The following GSG1L variants were observed in gnomAD, a reference collection of about 807,000 sequenced individuals.
GSG1L encodes the protein GSG1 like.
In GSG1L, 24 loss-of-function variants were observed where a neutral mutation model predicts 42.1. The ratio of observed to expected loss-of-function variants is 0.57; its 90% CI spans 0.41 to 0.80. GSG1L has a LOEUF of 0.80. Ranked by LOEUF, GSG1L falls within the 30% of genes least tolerant of loss-of-function variation. The pLI is 0.00. For missense variants in GSG1L, 445 were observed against 472.2 expected, an observed-to-expected ratio of 0.94 and a Z score of 0.53; for synonymous variants, 215 against 203.5, an observed-to-expected ratio of 1.06 and a Z score of -0.48.
At chr16:27,964,941 G>T (rs1469350142) in intron 1 of GSG1L, among the ~76,000 whole-genome samples, 1 of 152,154 alleles carries the variant, frequency 6.6e-6, no homozygotes, top group Non-Finnish European at 1.5e-5. Flanking sequence ...TAATTGAATT[G>T]TTTGCCTGTG....
chr16:27,804,082 A>G (rs935892388), intron 6 of GSG1L, among the ~76,000 whole-genome samples: 4 of 110,224 alleles, frequency 3.6e-5, no homozygotes, highest in Non-Finnish European at 4.1e-5. Flanking sequence ...TAGATAGATA[A>G]AGAAATAGGG....
intron 6 of GSG1L, among the ~76,000 whole-genome samples, chr16:27,804,429 C>A (rs1304831028): frequency 6.6e-6 from 1 of 152,022 alleles, no homozygotes; most frequent in African/African-American, 2.4e-5. Flanking sequence ...TGAAGGAGTG[C>A]CCCTGCCCTG....
intron 2 of GSG1L, among the ~76,000 whole-genome samples, chr16:27,906,370 G>A (rs1307135335): frequency 6.6e-6 from 1 of 152,162 alleles, no homozygotes; most frequent in African/African-American, 2.4e-5. Flanking sequence ...TTCTCACTCA[G>A]AAGCCATGAA....
Position 27,870,276 on chromosome 16 carries a change from C to T in GSG1L, c.550+14210G>A, listed in dbSNP as rs376305878. Reference sequence around the variant, plus strand: ...CTCTGTCTCCCTCCATCTCTCTCTCCATCTTTCTGTCTCTGTCTCCATCTC... The same window carrying T: ...CTCTGTCTCCCTCCATCTCTCTCTCTATCTTTCTGTCTCTGTCTCCATCTC... On this transcript the variant is annotated intron_variant, in intron 3 of 6. Transcript: ENST00000447459. Among the ~76,000 whole-genome samples the T allele has an allele frequency of 5.5e-5, 8 of 146,192 alleles. No individual in the cohort carries two copies. In the East Asian group the frequency reaches 1.0e-3, roughly 19 times the overall value.
At chr16:27,859,401 G>A (rs2083615915) in intron 3 of GSG1L, among the ~76,000 whole-genome samples, 1 of 152,202 alleles carries the variant, frequency 6.6e-6, no homozygotes, top group African/African-American at 2.4e-5. Context: ...CATGGAGGGG[G>A]GTCTCGGCAC....
intron 3 of GSG1L, among the ~76,000 whole-genome samples, chr16:27,881,981 C>T (rs562359149): frequency 6.6e-6 from 1 of 152,228 alleles, no homozygotes; most frequent in Admixed American, 6.5e-5. Flanking sequence ...TTCATCTGTG[C>T]TCCACCCTGA....
intron 3 of GSG1L, among the ~76,000 whole-genome samples, chr16:27,857,963 C>G (rs1408877222): frequency 6.6e-6 from 1 of 152,186 alleles, no homozygotes; most frequent in Non-Finnish European, 1.5e-5. Flanking sequence ...AGCTCACCCC[C>G]CACCAGCTCA....
chr16:27,956,198 T>C (rs1161525497), intron 2 of GSG1L, among the ~76,000 whole-genome samples: 2 of 152,170 alleles, frequency 1.3e-5, no homozygotes, highest in African/African-American at 4.8e-5. Flanking sequence ...AACCAGAAAG[T>C]TGGCCAAAGT....
chr16:27,898,817 G>GA (rs2084223057), intron 2 of GSG1L, among the ~76,000 whole-genome samples: 1 of 152,124 alleles, frequency 6.6e-6, no homozygotes, highest in Non-Finnish European at 1.5e-5. Context: ...TTAAAAATGG[G>GA]AAAATCACAA....
At chr16:28,017,295 GACATTCGGA>G (rs1221298387) in intron 1 of GSG1L, among the ~76,000 whole-genome samples, 1 of 152,212 alleles carries the variant, frequency 6.6e-6, no homozygotes, top group African/African-American at 2.4e-5. Context: ...GGGACAGAGG[GACATTCGGA>G]ACAGAACATA....
At chr16:27,996,507 C>T (rs914216310) in intron 1 of GSG1L, among the ~76,000 whole-genome samples, 1 of 79,374 alleles carries the variant, frequency 1.3e-5, no homozygotes, top group Admixed American at 1.7e-4. Flanking sequence ...ATGAACAAGG[C>T]TACTCTCTCT....
At chr16:27,796,360 C>G (rs1272878450) in intron 6 of GSG1L, among the ~76,000 whole-genome samples, 1 of 152,160 alleles carries the variant, frequency 6.6e-6, no homozygotes, top group Non-Finnish European at 1.5e-5. Context: ...AACCTGTCAG[C>G]TAGTGACACT....
intron 1 of GSG1L, among the ~76,000 whole-genome samples, chr16:28,026,384 TCTGCCA>T (rs2085901448): frequency 6.6e-6 from 1 of 152,196 alleles, no homozygotes; most frequent in Non-Finnish European, 1.5e-5. Context: ...CTGCTGCGGA[TCTGCCA>T]CACATCAGCG....
chr16:28,059,111 C>T lies in GSG1L; in HGVS notation c.349+3965G>A, dbSNP rs751523083. On this transcript the variant is annotated intron_variant, in intron 1 of 6. Coordinates refer to ENST00000447459, the MANE Select transcript of GSG1L (RefSeq NM_001109763.2). The surrounding 1 kb of genome is among the most constrained non-coding windows in gnomAD (Gnocchi z 4.4). ...GTGCTCCCCACTCCCTGCCCTACGT[C>T]ACCAAATCCTTGCATCTCCGGCGGG... is the stretch of plus-strand genomic sequence containing the variant. Among the ~76,000 whole-genome samples, 41 of 152,324 alleles carry T rather than the reference C, an allele frequency of 2.7e-4. No individual in the cohort carries two copies. The highest frequency in any genetic ancestry group is 5.4e-4 in the Non-Finnish European group (37 of 68,026).
At chr16:27,937,150 A>T (rs2084727852) in intron 2 of GSG1L, among the ~76,000 whole-genome samples, 2 of 152,156 alleles carry the variant, frequency 1.3e-5, no homozygotes, top group South Asian at 2.1e-4. Flanking sequence ...GGCTCCAGCC[A>T]GTGTTTCCAG....
chr16:28,025,558 G>T (rs2085891865), intron 1 of GSG1L, among the ~76,000 whole-genome samples: 1 of 152,210 alleles, frequency 6.6e-6, no homozygotes, highest in Non-Finnish European at 1.5e-5. Context: ...ACGCTGCTGG[G>T]CCCAGGCTAG....
At chr16:28,062,462 G>A (rs1043353260) in intron 1 of GSG1L, among the ~76,000 whole-genome samples, 6 of 152,176 alleles carry the variant, frequency 3.9e-5, no homozygotes, top group African/African-American at 1.4e-4. Context: ...GATACAGAGG[G>A]CTCCCTGGCG....
At chr16:27,823,961 G>T in intron 5 of GSG1L, 1 of 702,568 alleles carries the variant, frequency 1.4e-6, no homozygotes, top group South Asian at 1.5e-5. Flanking sequence ...GAAAGGCATC[G>T]CAGAAATTAA....
At chr16:27,907,767 G>A (rs1397247049) in intron 2 of GSG1L, among the ~76,000 whole-genome samples, 1 of 152,234 alleles carries the variant, frequency 6.6e-6, no homozygotes, top group Non-Finnish European at 1.5e-5. Context: ...TCTTGGTTTT[G>A]TAGGACAAAT....
Sources: allele counts gnomAD v4.1 joint callset (sites outside exome capture counted in the v4.1 genomes callset), GRCh38; gene constraint gnomAD v4.1.1; non-coding constraint Gnocchi (gnomAD v3.1); transcripts MANE v1.5; gene names NCBI Gene and HGNC (gene_info 2026-07-23, HGNC 2026-07-21).